The following HERC6 variants were observed in gnomAD, a reference collection of about 807,000 sequenced individuals.
HERC6 encodes probable E3 ubiquitin-protein ligase HERC6.
In HERC6, 101 loss-of-function variants were observed where a neutral mutation model predicts 114.5. The ratio of observed to expected loss-of-function variants is 0.88; its 90% CI spans 0.75 to 1.04. The LOEUF (loss-of-function observed/expected upper bound fraction) is 1.04, where lower values mean the gene tolerates loss of function less well. HERC6 is among the 50% of genes least tolerant of loss of function. The pLI is 0.00. For synonymous variants in HERC6, 408 were observed against 436.2 expected (o/e 0.94, Z 0.81); for missense variants, 1,133 against 1,230.9 (o/e 0.92, Z 1.19).
At chr4:88,412,353 C>T (rs1371624800) in intron 11 of HERC6, among the ~76,000 whole-genome samples, 3 of 152,166 alleles carry the variant, frequency 2.0e-5, no homozygotes, top group Non-Finnish European at 4.4e-5. Context: ...TGCCTGTAAT[C>T]CTAGCACTTT....
chr4:88,421,292 G>A (rs911712110), intron 13 of HERC6, among the ~76,000 whole-genome samples: 1 of 151,812 alleles, frequency 6.6e-6, no homozygotes, highest in Non-Finnish European at 1.5e-5. Flanking sequence ...TTCATTTCCC[G>A]TATATACCCA....
rs1474035273 is a variant in HERC6, at chr4:88,396,724, G to A, written c.888-127G>A. 3 of 739,626 alleles carry A rather than the reference G, an allele frequency of 4.1e-6. No individual in the cohort carries two copies. In the Admixed American group the frequency reaches 9.2e-5, roughly 23 times the overall value. The allele number at this position is 739,626 out of a possible 1,614,324, so 45.8% of individuals were successfully genotyped here. On this transcript the variant is annotated intron_variant, in intron 6 of 22. Transcript: ENST00000264346. ...CCCTCTAACACTGACATTGTGATAA[G>A]GGAGCTGCGTACTTAGTAAAAGTAA...
intron 3 of HERC6, among the ~76,000 whole-genome samples, chr4:88,388,359 T>C (rs138600431): frequency 0.033 from 4,972 of 152,104 alleles, 272 homozygotes; most frequent in African/African-American, 0.11. Context: ...AAGACCAGCC[T>C]GGCCAACATG....
rs771793551 is a variant in HERC6, at chr4:88,439,847, T to G, written c.2556-27T>G. The stretch of plus-strand genomic sequence containing the variant: ...ATTGGCCTTTTCCTTCCTTTCTTTT[T>G]TTTTTTTTTTTTTTGCTTCCCTCAA... On this transcript the variant is annotated intron_variant, in intron 20 of 22. Coordinates refer to ENST00000264346, the MANE Select transcript of HERC6 (RefSeq NM_017912.4). 7 of 1,073,724 alleles carry G rather than the reference T, an allele frequency of 6.5e-6. No homozygotes were observed. In the African/African-American group the frequency reaches 8.3e-5, roughly 13 times the overall value. The allele number at this position is 1,073,724 out of a possible 1,614,324, so 66.5% of individuals were successfully genotyped here.
At chr4:88,413,588 A>T (rs1184651437) in intron 12 of HERC6, among the ~76,000 whole-genome samples, 1 of 152,164 alleles carries the variant, frequency 6.6e-6, no homozygotes. Flanking sequence ...ATACTTTAAA[A>T]TTTTTTGCTC....
intron 20 of HERC6, 73 bp downstream of exon 20, chr4:88,437,854 A>C (rs1738915029): frequency 9.1e-7 from 1 of 1,102,774 alleles, no homozygotes; most frequent in East Asian, 2.6e-5. Flanking sequence ...TTCTTTTAAA[A>C]TGTATTTTTA....
chr4:88,392,227 G>A (rs1316543785), intron 4 of HERC6, among the ~76,000 whole-genome samples: 2 of 148,874 alleles, frequency 1.3e-5, no homozygotes, highest in African/African-American at 2.5e-5. Flanking sequence ...TGCCCAGGCT[G>A]GAGTGCAGTG....
chr4:88,417,182 CA>C (rs2148916882), intron 12 of HERC6, among the ~76,000 whole-genome samples: 2 of 152,190 alleles, frequency 1.3e-5, no homozygotes, highest in East Asian at 3.9e-4. Flanking sequence ...AGCCATTAAC[CA>C]ATTTCTTCAA....
intron 12 of HERC6, among the ~76,000 whole-genome samples, chr4:88,415,721 C>T (rs1390359707): frequency 6.6e-6 from 1 of 152,168 alleles, no homozygotes; most frequent in Non-Finnish European, 1.5e-5. Flanking sequence ...CTTTGTATAT[C>T]ATATTCTGTG....
At chr4:88,385,085 G>A (rs1734507630) in intron 2 of HERC6, among the ~76,000 whole-genome samples, 1 of 151,978 alleles carries the variant, frequency 6.6e-6, no homozygotes, top group African/African-American at 2.4e-5. Flanking sequence ...TGGCAATTTT[G>A]TATGATTTAA....
At chr4:88,430,009 G>A (rs1738023142) in intron 16 of HERC6, among the ~76,000 whole-genome samples, 1 of 152,140 alleles carries the variant, frequency 6.6e-6, no homozygotes, top group South Asian at 2.1e-4. Context: ...GCAGAAATAG[G>A]AAAATCAGAA....
chr4:88,409,974 A>T (rs1351999749), intron 11 of HERC6, among the ~76,000 whole-genome samples: 1 of 152,170 alleles, frequency 6.6e-6, no homozygotes, highest in Non-Finnish European at 1.5e-5. Flanking sequence ...AGACCAAGGC[A>T]CCATCAGGTT....
At position 88,428,626 on chromosome 4, in the gene HERC6, A is replaced by C; in HGVS notation, c.1982A>C (p.Gln661Pro). 2 of 1,606,240 alleles carry C rather than the reference A, an allele frequency of 1.2e-6. No homozygotes were observed. Among genetic ancestry groups the C allele is most frequent in the Non-Finnish European group, 1.7e-6 (2 of 1,176,756 alleles). Reference sequence around the variant, plus strand: ...ATGCTTATGCATGAAACAATTCTGCAAAAAAAGGATGAATTTCCTCCATCA... The same window carrying C: ...ATGCTTATGCATGAAACAATTCTGCCAAAAAAGGATGAATTTCCTCCATCA... Reference protein sequence around the residue: ...AYMLMHETILQKKDEFPPSPR... With the variant: ...AYMLMHETILPKKDEFPPSPR... The change falls in exon 16 of 23, where the codon CAA (glutamine) becomes CCA (proline). Residue 661 changes from glutamine (Q) to proline (P), a missense_variant. This residue lies in a region of HERC6 where 388 missense variants were observed against 445.9 expected (regional missense o/e 0.87). Coordinates refer to ENST00000264346, the MANE Select transcript of HERC6 (RefSeq NM_017912.4).
chr4:88,405,317 C>G lies in HERC6; in HGVS notation c.1215-237C>G, dbSNP rs149697480. Among the ~76,000 whole-genome samples the G allele has an allele frequency of 2.0e-3, 304 of 152,268 alleles. 2 individuals carry two copies. Among genetic ancestry groups the G allele is most frequent in the African/African-American group, 6.9e-3 (286 of 41,560 alleles). Reference sequence around the variant, plus strand: ...GGAGTTTTATGAGTTTTGGTCTTCACAGGGATAGGTTTTATTTAAACCTAC... The same window carrying G: ...GGAGTTTTATGAGTTTTGGTCTTCAGAGGGATAGGTTTTATTTAAACCTAC... On this transcript the variant is annotated intron_variant, in intron 9 of 22. Coordinates refer to ENST00000264346, the MANE Select transcript of HERC6 (RefSeq NM_017912.4).
chr4:88,440,070 TA>T lies in HERC6; in HGVS notation c.2739+16del, dbSNP rs1223982347. 6.2e-7 allele frequency: 1 copy of T among 1,608,082 alleles called. No homozygotes were observed. The highest frequency in any genetic ancestry group is 1.1e-5 in the South Asian group (1 of 89,864). On this transcript the variant is annotated intron_variant, in intron 21 of 22. Coordinates refer to ENST00000264346, the MANE Select transcript of HERC6 (RefSeq NM_017912.4). Reference sequence around the variant, plus strand: ...ACAGTTTGAACAGGTAGGTGATACCTAAAGTGCCCCAATTTTTCCGAACAAC... The same window carrying T: ...ACAGTTTGAACAGGTAGGTGATACCTAAGTGCCCCAATTTTTCCGAACAAC...
rs1242848309 is a variant in HERC6, at chr4:88,383,226, A to G, written c.205A>G (p.Ile69Val). 3.1e-5 allele frequency: 50 copies of G among 1,610,318 alleles called. No homozygotes were observed. Among genetic ancestry groups the G allele is most frequent in the Non-Finnish European group, 4.2e-5 (49 of 1,178,414 alleles). ...TTTTGTTTTGTTTCCCAAAGAACCA[A>G]TTCAGGCATTGGAAACCCTAATTGT... ...GAQRGELPEP[I>V]QALETLIVDL... Residue 69 changes from isoleucine to valine, a missense_variant, in exon 2 of 23, where the codon ATT becomes GTT. Transcript: ENST00000264346.
rs1736219234 is a variant in HERC6, at chr4:88,413,101, C to G, written c.1393C>G (p.Leu465Val). Residue 465 changes from leucine to valine, a missense_variant, in exon 12 of 23, where the codon CTG (leucine) becomes GTG (valine). This residue lies in a region of HERC6 where 735 missense variants were observed against 754.0 expected (regional missense o/e 0.97). Transcript: ENST00000264346. ...SMITTCLEDDLLRALPCHSPH... is the reference protein window; with the variant it reads ...SMITTCLEDDVLRALPCHSPH... ...GATAACTACGTGTCTCGAGGATGAT[C>G]TGCTCAGAGCTCTTCCATGCCATTC... 1.2e-6 allele frequency: 2 copies of G among 1,608,712 alleles called. No individual in the cohort carries two copies. The highest frequency in any genetic ancestry group is 2.7e-5 in the African/African-American group (2 of 74,496).
chr4:88,404,746 C>A, intron 8 of HERC6, 130 bp from the exon 9 acceptor site: 6 of 1,185,004 alleles, frequency 5.1e-6, no homozygotes, highest in Non-Finnish European at 7.0e-6. Flanking sequence ...GACGCCAAAG[C>A]TCCTCCCACC....
intron 8 of HERC6, among the ~76,000 whole-genome samples, chr4:88,400,909 G>A (rs1480366507): frequency 6.6e-6 from 1 of 152,084 alleles, no homozygotes; most frequent in African/African-American, 2.4e-5. Context: ...CATCCACTGG[G>A]GGTCTTGGTG....
Sources: gnomAD v4.1 joint callset for allele counts (sites outside exome capture counted in the v4.1 genomes callset) on GRCh38, gnomAD v4.1.1 for gene constraint, gnomAD v4.1.1 regional missense constraint, MANE v1.5 for transcripts, NCBI Gene and HGNC (gene_info 2026-07-23, HGNC 2026-07-21) for gene names.